ATXN2: variants seen among roughly 807,000 people sequenced by gnomAD.
The protein encoded by ATXN2 is ataxin-2.
ATXN2 carries 37 observed loss-of-function variants against 138.6 expected under a neutral mutation model. The ratio of observed to expected loss-of-function variants is 0.27; its 90% confidence interval spans 0.21 to 0.35. The LOEUF is 0.35. ATXN2 is among the 10% of genes least tolerant of loss of function. The pLI is 1.00. For missense variants in ATXN2, 1,216 were observed against 1,480.3 expected (o/e 0.82, Z 2.93); for synonymous variants, 549 against 543.7 (o/e 1.01, Z -0.13).
At chr12:111,467,307 C>CTT (rs61507608) in intron 20 of ATXN2, among the ~76,000 whole-genome samples, 968 of 34,848 alleles carry the variant, frequency 0.028, 335 homozygotes, top group African/African-American at 0.082. Flanking sequence ...CATGACTGGG[C>CTT]TTTTTTTTTT....
chr12:111,481,214 G>A (rs546483485), intron 18 of ATXN2, among the ~76,000 whole-genome samples: 3 of 152,310 alleles, frequency 2.0e-5, no homozygotes, highest in South Asian at 4.2e-4. Flanking sequence ...GGAGGCTGAC[G>A]CAGGGGGATC....
intron 5 of ATXN2, 61 bp from the exon 6 acceptor site, chr12:111,525,377 C>A: frequency 1.4e-6 from 2 of 1,411,632 alleles, no homozygotes; most frequent in Non-Finnish European, 1.9e-6. Flanking sequence ...CACTCACACA[C>A]GTGAATTACC....
chr12:111,470,252 C>CA lies in ATXN2; in HGVS notation c.2710-13dup, dbSNP rs1566009471. 5 of 1,607,926 alleles carry CA rather than the reference C, an allele frequency of 3.1e-6. No homozygotes were observed. Among genetic ancestry groups the CA allele is most frequent in the East Asian group, 2.2e-5 (1 of 44,834 alleles). The stretch of plus-strand genomic sequence containing the variant: ...TAGACATGAGGATGCTGTGTTCAAA[C>CA]AAAAAATAAAGAAAGCACATTAACA... On this transcript the variant is annotated splice_polypyrimidine_tract_variant and intron_variant, in intron 19 of 24. Transcript: ENST00000673436.
intron 5 of ATXN2, among the ~76,000 whole-genome samples, chr12:111,537,721 G>A (rs1029680517): frequency 6.6e-6 from 1 of 152,192 alleles, no homozygotes; most frequent in Non-Finnish European, 1.5e-5. Flanking sequence ...GAGAGGAACT[G>A]CTAAGGGGTT....
intron 1 of ATXN2, among the ~76,000 whole-genome samples, chr12:111,586,385 C>A (rs1259431811): frequency 7.6e-6 from 1 of 132,230 alleles, no homozygotes; most frequent in African/African-American, 3.0e-5. Flanking sequence ...AGCCCCAAGT[C>A]TGGTTTTTTT....
chr12:111,500,605 T>G (rs1222010272), intron 14 of ATXN2, among the ~76,000 whole-genome samples: 1 of 152,204 alleles, frequency 6.6e-6, no homozygotes, highest in Non-Finnish European at 1.5e-5. Context: ...CCGGGCACGG[T>G]GGCTCACGCC....
chr12:111,548,129 G>A (rs974450593), intron 5 of ATXN2, among the ~76,000 whole-genome samples: 2 of 151,910 alleles, frequency 1.3e-5, no homozygotes, highest in African/African-American at 4.8e-5. Context: ...GGAGGTGGAG[G>A]TTGCAGTGCG....
intron 5 of ATXN2, among the ~76,000 whole-genome samples, chr12:111,535,226 G>C (rs996229821): frequency 1.3e-5 from 2 of 152,206 alleles, no homozygotes; most frequent in African/African-American, 4.8e-5. Flanking sequence ...GGGAAGGTCA[G>C]AGAAGACTCT....
intron 18 of ATXN2, among the ~76,000 whole-genome samples, chr12:111,484,193 T>C (rs988414377): frequency 5.3e-5 from 8 of 152,184 alleles, no homozygotes; most frequent in Non-Finnish European, 7.3e-5. Context: ...AAAGCAAGGT[T>C]AGCAATCTAG....
Position 111,453,662 on chromosome 12 carries a change from A to G in ATXN2, c.3439+15T>C. ...TTTGGGGTGCCCCGGCGGCCCCTGCACACACACGCCTCACCTGAAGGGTGC... is the reference window on the plus strand; with the variant it reads ...TTTGGGGTGCCCCGGCGGCCCCTGCGCACACACGCCTCACCTGAAGGGTGC... On this transcript the variant is annotated intron_variant, in intron 24 of 24. Coordinates refer to ENST00000673436, the MANE Select transcript of ATXN2 (RefSeq NM_001372574.1). The surrounding 1 kb of genome is among the most constrained non-coding windows in gnomAD (Gnocchi z 5.4). 1.3e-6 allele frequency: 2 copies of G among 1,562,470 alleles called. No homozygotes were observed. The highest frequency in any genetic ancestry group is 1.3e-5 in the African/African-American group (1 of 74,154).
chr12:111,526,211 T>C (rs1233753979), intron 5 of ATXN2, among the ~76,000 whole-genome samples: 2 of 151,138 alleles, frequency 1.3e-5, no homozygotes, highest in Non-Finnish European at 2.9e-5. Context: ...CAAAAATTAG[T>C]TGGGCATGGT....
rs114500054 is a variant in ATXN2 at position 111,565,287 on chromosome 12, A to G, written c.252-9368T>C. Among the ~76,000 whole-genome samples, 1,431 of 152,292 alleles carry G rather than the reference A, an allele frequency of 9.4e-3. 21 individuals carry two copies. Among genetic ancestry groups the G allele is most frequent in the African/African-American group, 0.033 (1,361 of 41,548 alleles). ...TTTTTGACAAGCTGACCGTCTGTGG[A>G]AACCCCGAGTCGGGCAAGTCCATTA... On this transcript the variant is annotated intron_variant, in intron 1 of 24. Coordinates refer to ENST00000673436, the MANE Select transcript of ATXN2 (RefSeq NM_001372574.1).
intron 15 of ATXN2, 129 bp from the exon 16 acceptor site, chr12:111,486,953 C>G: frequency 1.4e-6 from 1 of 716,364 alleles, no homozygotes; most frequent in Non-Finnish European, 2.3e-6. Flanking sequence ...GATCACTAAT[C>G]GTTTTTATTG....
At position 111,453,011 on chromosome 12, in the gene ATXN2, T is replaced by TGGGGGGGGGGG; in HGVS notation, c.3440-172_3440-171insCCCCCCCCCCC. 1 of 140,828 alleles carries TGGGGGGGGGGG rather than the reference T, an allele frequency of 7.1e-6. No individual in the cohort carries two copies. 8.7% of individuals were successfully genotyped at this position (140,828 alleles called of 1,614,324 possible). A position where few individuals can be genotyped will look rare whatever the true frequency, so the allele number is the denominator to read the frequency against. On this transcript the variant is annotated intron_variant, in intron 24 of 24. Coordinates refer to ENST00000673436, the MANE Select transcript of ATXN2 (RefSeq NM_001372574.1). This position sits in a 1 kb window ranked among gnomAD's most constrained non-coding sequence, Gnocchi z 5.4. The stretch of plus-strand genomic sequence containing the variant: ...ACCAAAGTGGGGAGGGTTGGGTGGG[T>TGGGGGGGGGGG]GGGTAGAAACAAACCAGTCAGACGT...
chr12:111,592,782 C>CAAAAATAAAAAAAAAAA (rs1884735421), intron 1 of ATXN2, among the ~76,000 whole-genome samples: 1 of 26,018 alleles, frequency 3.8e-5, no homozygotes, highest in Non-Finnish European at 8.3e-5. Context: ...GACTCCGTCT[C>CAAAAATAAAAAAAAAAA]AAAAAAAAAA....
intron 3 of ATXN2, 32 bp from the exon 4 acceptor site, chr12:111,553,009 C>G: frequency 7.2e-7 from 1 of 1,395,188 alleles, no homozygotes; most frequent in Non-Finnish European, 9.7e-7. Context: ...ATCAAAGAAA[C>G]AGTATACTAC....
chr12:111,513,246 T>G, intron 11 of ATXN2, 111 bp downstream of exon 11: 9 of 1,259,228 alleles, frequency 7.1e-6, no homozygotes, highest in Non-Finnish European at 9.8e-6. Flanking sequence ...GATTCTACTA[T>G]TTTTAACATA....
intron 11 of ATXN2, chr12:111,511,332 T>G (rs1879500180): frequency 6.6e-6 from 1 of 152,082 alleles, no homozygotes; most frequent in Non-Finnish European, 1.5e-5. Flanking sequence ...AGAGAAAATC[T>G]ATAATGCTAT....
chr12:111,538,195 C>T (rs1293729482), intron 5 of ATXN2, among the ~76,000 whole-genome samples: 1 of 151,828 alleles, frequency 6.6e-6, no homozygotes, highest in Non-Finnish European at 1.5e-5. Context: ...GAAAAAAAAT[C>T]CCTAAGAGAA....
Sources: gnomAD v4.1 joint callset for allele counts (sites outside exome capture counted in the v4.1 genomes callset) on GRCh38, gnomAD v4.1.1 for gene constraint, Gnocchi (gnomAD v3.1) non-coding constraint, MANE v1.5 for transcripts, NCBI Gene and HGNC (gene_info 2026-07-23, HGNC 2026-07-21) for gene names.